MEI4: variants seen among roughly 807,000 people sequenced by gnomAD.
MEI4 encodes the protein meiotic double-stranded break formation protein 4.
In MEI4, 27 loss-of-function variants were observed where a neutral mutation model predicts 31.4. That is an observed-to-expected ratio of 0.86 (90% CI 0.63 to 1.19). The LOEUF is 1.19. MEI4 is among the 50% of genes most tolerant of loss of function. The probability of loss-of-function intolerance (pLI) is 0.00; values close to 1 mark genes in which losing one functional copy is unlikely to be tolerated. For missense variants in MEI4, 329 were observed against 398.9 expected (o/e 0.82, Z 1.49); for synonymous variants, 122 against 145.4 (o/e 0.84, Z 1.16).
At position 77,895,985 on chromosome 6, in the gene MEI4, C is replaced by T. The variant is rs145568895; in HGVS notation, c.901-27104C>T. On this transcript the variant is annotated intron_variant, in intron 4 of 4. Transcript: ENST00000684080. ...GATGATGGAAGTCCAGACTAACAAA[C>T]GATCTATTTACTTTTCATATGTGCT... is the stretch of plus-strand genomic sequence containing the variant. Among the ~76,000 whole-genome samples, 425 of 152,112 alleles carry T rather than the reference C, an allele frequency of 2.8e-3. 3 individuals are homozygous for T. The highest frequency in any genetic ancestry group is 9.4e-3 in the African/African-American group (392 of 41,518).
intron 3 of MEI4, among the ~76,000 whole-genome samples, chr6:77,784,277 A>G (rs1287412942): frequency 6.6e-6 from 1 of 152,198 alleles, no homozygotes; most frequent in East Asian, 1.9e-4. Flanking sequence ...TGATGATTTA[A>G]TATGGGTACT....
chr6:77,857,463 AT>A (rs1419225528), intron 4 of MEI4, among the ~76,000 whole-genome samples: 1 of 152,104 alleles, frequency 6.6e-6, no homozygotes, highest in African/African-American at 2.4e-5. Flanking sequence ...GCTATTTCTG[AT>A]TATCCCCTGT....
intron 4 of MEI4, among the ~76,000 whole-genome samples, chr6:77,914,742 A>G (rs529358175): frequency 3.9e-5 from 6 of 152,192 alleles, no homozygotes; most frequent in Admixed American, 2.0e-4. Flanking sequence ...TTTGCTTTGT[A>G]TATCTGTAGA....
In MEI4 at chr6:77,838,996, G is replaced by C. The variant is rs140495899; in HGVS notation, c.900+9934G>C. ...AGTCAAAATGAAGGCAAAAAAAACT[G>C]CGGAATACGTTTCTCATTTTTTCCT... On this transcript the variant is annotated intron_variant, in intron 4 of 4. Transcript: ENST00000684080. Among the ~76,000 whole-genome samples the C allele has an allele frequency of 1.4e-3, 212 of 152,044 alleles. 1 individual carries two copies. The highest frequency in any genetic ancestry group is 4.5e-3 in the African/African-American group (186 of 41,514).
At chr6:77,674,253 A>G (rs754069583) in intron 1 of MEI4, among the ~76,000 whole-genome samples, 41 of 152,300 alleles carry the variant, frequency 2.7e-4, no homozygotes, top group Non-Finnish European at 5.3e-4. Flanking sequence ...AGATTATTCA[A>G]TTATTCTAAG....
Position 77,736,399 on chromosome 6 carries a change from AGG to A in MEI4, c.233-24730_233-24729del, listed in dbSNP as rs1396382427. Reference sequence around the variant, plus strand: ...TTGGGTGGGAGTGACCCGATTTTCCAGGTGCCATCTGTCACCCCTTTCTTTGA... The same window carrying A: ...TTGGGTGGGAGTGACCCGATTTTCCATGCCATCTGTCACCCCTTTCTTTGA... On this transcript the variant is annotated intron_variant, in intron 2 of 4. Transcript: ENST00000684080. Among the ~76,000 whole-genome samples, 59 of 152,112 alleles carry A rather than the reference AGG, an allele frequency of 3.9e-4. 1 individual carries two copies. The highest frequency in any genetic ancestry group is 1.4e-3 in the African/African-American group (59 of 41,436).
At chr6:77,881,754 A>C (rs1438460687) in intron 4 of MEI4, among the ~76,000 whole-genome samples, 1 of 152,258 alleles carries the variant, frequency 6.6e-6, no homozygotes, top group Admixed American at 6.5e-5. Flanking sequence ...TGTCTTAGAC[A>C]TCAAGGGGTA....
rs1332944122 is a variant in MEI4 at position 77,670,663 on chromosome 6, A to G, written c.-15+17571A>G. ...CCTTTTCATGCTTTTTCACCTCAGC[A>G]TTGCTTGTTCCTTTGTTTCCCTTTG... On this transcript the variant is annotated intron_variant, in intron 1 of 4. Coordinates refer to ENST00000684080, the MANE Select transcript of MEI4 (RefSeq NM_001322247.2). Among the ~76,000 whole-genome samples, 7 of 152,160 alleles carry G rather than the reference A, an allele frequency of 4.6e-5. No individual in the cohort carries two copies. The East Asian group carries it at 1.2e-3, about 25-fold the overall frequency.
At chr6:77,901,142 A>G (rs113835112) in intron 4 of MEI4, among the ~76,000 whole-genome samples, 7 of 152,038 alleles carry the variant, frequency 4.6e-5, no homozygotes, top group Admixed American at 1.3e-4. Context: ...TTGATTCCCT[A>G]TGTTGGTTGT....
chr6:77,823,830 G>A (rs545714823), intron 3 of MEI4, among the ~76,000 whole-genome samples: 2 of 152,282 alleles, frequency 1.3e-5, no homozygotes, highest in Admixed American at 1.3e-4. Context: ...CAACATTTAT[G>A]CGTGATACCA....
chr6:77,907,580 T>G (rs1766325869), intron 4 of MEI4, among the ~76,000 whole-genome samples: 1 of 152,206 alleles, frequency 6.6e-6, no homozygotes, highest in African/African-American at 2.4e-5. Flanking sequence ...CTATTGGGAA[T>G]AGTGCTGCAA....
At chr6:77,895,656 T>C (rs911524844) in intron 4 of MEI4, among the ~76,000 whole-genome samples, 1 of 152,140 alleles carries the variant, frequency 6.6e-6, no homozygotes, top group Non-Finnish European at 1.5e-5. Context: ...TCCTTAGATA[T>C]ATACCAGGGA....
rs147464965 is a variant in MEI4 at position 77,899,489 on chromosome 6, C to T, written c.901-23600C>T. On this transcript the variant is annotated intron_variant, in intron 4 of 4. Transcript: ENST00000684080. ...TAAAAGACCTAGATGGAAACAGAAA[C>T]TGTTAGCATTGTATCAGATATACAC... is the stretch of plus-strand genomic sequence containing the variant. Among the ~76,000 whole-genome samples, 86 of 152,182 alleles carry T rather than the reference C, an allele frequency of 5.7e-4. 2 individuals carry two copies. The highest frequency in any genetic ancestry group is 1.5e-3 in the African/African-American group (62 of 41,564).
At chr6:77,669,327 ATTT>A (rs1332870684) in intron 1 of MEI4, among the ~76,000 whole-genome samples, 3 of 152,260 alleles carry the variant, frequency 2.0e-5, no homozygotes, top group Non-Finnish European at 4.4e-5. Flanking sequence ...GAAAAACTGG[ATTT>A]TTAATAGTTG....
chr6:77,672,309 A>G (rs569811970), intron 1 of MEI4, among the ~76,000 whole-genome samples: 28 of 152,318 alleles, frequency 1.8e-4, no homozygotes, highest in African/African-American at 6.0e-4. Flanking sequence ...CGCTGTGTCA[A>G]ACTTTCCTGA....
At chr6:77,894,271 A>G (rs1766034455) in intron 4 of MEI4, among the ~76,000 whole-genome samples, 1 of 152,158 alleles carries the variant, frequency 6.6e-6, no homozygotes, top group African/African-American at 2.4e-5. Flanking sequence ...TCTAAAAAGT[A>G]ATTTATCAAA....
At chr6:77,844,366 A>G (rs2127715936) in intron 4 of MEI4, among the ~76,000 whole-genome samples, 1 of 152,248 alleles carries the variant, frequency 6.6e-6, no homozygotes, top group Non-Finnish European at 1.5e-5. Flanking sequence ...CTCTCCATCT[A>G]CATTGGAGGG....
chr6:77,707,840 C>T (rs1582045110), intron 2 of MEI4, among the ~76,000 whole-genome samples: 2 of 152,346 alleles, frequency 1.3e-5, no homozygotes, highest in South Asian at 4.1e-4. Context: ...AAGCCATAAG[C>T]CTTGGCAGCT....
At chr6:77,744,885 G>T (rs1767540068) in intron 2 of MEI4, among the ~76,000 whole-genome samples, 1 of 152,116 alleles carries the variant, frequency 6.6e-6, no homozygotes, top group Non-Finnish European at 1.5e-5. Context: ...CATAAGTGAA[G>T]GAGAAATAAA....
Sources: gnomAD v4.1 joint callset for allele counts (sites outside exome capture counted in the v4.1 genomes callset) on GRCh38, gnomAD v4.1.1 for gene constraint, MANE v1.5 for transcripts, NCBI Gene and HGNC (gene_info 2026-07-23, HGNC 2026-07-21) for gene names.